Variants in ZNF641 observed in about 807,000 individuals in gnomAD.
The protein encoded by ZNF641 is zinc finger protein 641.
In ZNF641, 26 loss-of-function variants were observed where a neutral mutation model predicts 46.2. That is an observed-to-expected ratio of 0.56 (90% CI 0.41 to 0.78). The LOEUF (loss-of-function observed/expected upper bound fraction) is 0.78. Ranked by LOEUF, ZNF641 falls within the 30% of genes least tolerant of loss-of-function variation. The probability of loss-of-function intolerance (pLI) is 0.00; values close to 1 mark genes in which losing one functional copy is unlikely to be tolerated. For missense variants in ZNF641, 469 were observed against 517.8 expected (o/e 0.91, Z 0.91); for synonymous variants, 163 against 187.9 (o/e 0.87, Z 1.09).
At position 48,342,363 on chromosome 12, in the gene ZNF641, A is replaced by C; in HGVS notation, c.*610T>G. 2 of 985,748 alleles carry C rather than the reference A, an allele frequency of 2.0e-6. No individual in the cohort carries two copies. Among genetic ancestry groups the C allele is most frequent in the South Asian group, 4.7e-5 (1 of 21,296 alleles). 61.1% of individuals were successfully genotyped at this position (985,748 alleles called of 1,614,324 possible). On this transcript the variant is annotated 3_prime_UTR_variant, in exon 6 of 6. Transcript: ENST00000547026. ...GGCCCCCCTGGCTTTCATATGGATA[A>C]AAAAGGGGGCTCTGGATGCCTGATC...
rs1321545103 is a variant in ZNF641 at position 48,342,957 on chromosome 12, G to A, written c.*16C>T. The A allele has an allele frequency of 2.0e-5, 32 of 1,594,178 alleles. No homozygotes were observed. The highest frequency in any genetic ancestry group is 2.7e-5 in the Non-Finnish European group (32 of 1,171,122). ...CCGGCTGATAGACTTGACCATAGCT[G>A]TAGTGGAAACAGATTTCAAAAGACA... On this transcript the variant is annotated 3_prime_UTR_variant, in exon 6 of 6. Coordinates refer to ENST00000547026, the MANE Select transcript of ZNF641 (RefSeq NM_001172681.2).
chr12:48,349,885 C>T (rs1221038293), intron 1 of ZNF641, among the ~76,000 whole-genome samples: 2 of 152,188 alleles, frequency 1.3e-5, no homozygotes, highest in Non-Finnish European at 1.5e-5. Flanking sequence ...TATCTGGACA[C>T]TTGTCTCAAA....
rs749763501 is a variant in ZNF641 at position 48,342,889 on chromosome 12, G to A, written c.*84C>T. The A allele has an allele frequency of 1.0e-4, 154 of 1,516,246 alleles. No individual in the cohort carries two copies. The Middle Eastern group carries it at 1.3e-3, about 13-fold the overall frequency. The allele number at this position is 1,516,246 out of a possible 1,614,324, so 93.9% of individuals were successfully genotyped here. On this transcript the variant is annotated 3_prime_UTR_variant, in exon 6 of 6. Transcript: ENST00000547026. The stretch of plus-strand genomic sequence containing the variant: ...TCAGGGCTTATGATTCTGGCCACTG[G>A]GGTTCAGGAGAACGGCAGCCCTGGC...
At chr12:48,344,300 G>A (rs1592144004) in intron 5 of ZNF641, 3 of 199,946 alleles carry the variant, frequency 1.5e-5, no homozygotes, top group East Asian at 1.3e-4. Context: ...TATGTGCTTG[G>A]CACTGTTCTA....
Position 48,338,974 on chromosome 12 carries a change from G to A in ZNF641, c.*3999C>T, listed in dbSNP as rs1952661671. ...AAGGCAAAGGAGAATCATTTCCTCGGATGTCAGTTTTTCAGTTTTACATTG... is the reference window on the plus strand; with the variant it reads ...AAGGCAAAGGAGAATCATTTCCTCGAATGTCAGTTTTTCAGTTTTACATTG... On this transcript the variant is annotated 3_prime_UTR_variant, in exon 6 of 6. Coordinates refer to ENST00000547026, the MANE Select transcript of ZNF641 (RefSeq NM_001172681.2). 1.3e-5 allele frequency: 2 copies of A among 152,202 alleles called. No homozygotes were observed. The highest frequency in any genetic ancestry group is 1.5e-5 in the Non-Finnish European group (1 of 68,052). 9.4% of individuals were successfully genotyped at this position (152,202 alleles called of 1,614,324 possible). A position where few individuals can be genotyped will look rare whatever the true frequency, so the allele number is the denominator to read the frequency against.
intron 1 of ZNF641, 160 bp downstream of exon 1, chr12:48,350,626 C>G (rs897282629): frequency 5.8e-6 from 1 of 173,276 alleles, no homozygotes; most frequent in Non-Finnish European, 1.2e-5. Flanking sequence ...GAGGCGGGCA[C>G]AGAATGTCAG....
chr12:48,347,666 C>T (rs1244631329), intron 2 of ZNF641, among the ~76,000 whole-genome samples: 1 of 152,198 alleles, frequency 6.6e-6, no homozygotes, highest in East Asian at 1.9e-4. Flanking sequence ...TTCAGTATCA[C>T]TAATTATGCA....
At chr12:48,349,552 G>C (rs1030885395) in intron 1 of ZNF641, among the ~76,000 whole-genome samples, 1 of 152,192 alleles carries the variant, frequency 6.6e-6, no homozygotes. Flanking sequence ...TTTGACAAAA[G>C]AGGTAGGTGG....
chr12:48,351,026 G>GAGGGAGAGGAGTGGA (rs1953024623), upstream of ZNF641: 1 of 111,752 alleles, frequency 8.9e-6, no homozygotes, highest in Admixed American at 7.9e-5. Context: ...AGAGGAGTGG[G>GAGGGAGAGGAGTGGA]AGGGAGGGAG....
chr12:48,343,223 C>A lies in ZNF641; in HGVS notation c.1025G>T (p.Ser342Ile). ...KSCKGQEVGE[S>I]PGTRKRQRAP... ...ACGCTGCCGTTTCCTTGTGCCAGGG[C>A]TCTCTCCAACCTCTTGGCCTTTGCA... is the stretch of plus-strand genomic sequence containing the variant. The change falls in exon 6 of 6, where the codon AGC (serine) becomes ATC (isoleucine). Residue 342 changes from serine to isoleucine, a missense_variant. Around this residue, in one of 3 missense-constraint regions of ZNF641, gnomAD observed 346 missense variants for 354.0 expected, o/e 0.98. Coordinates refer to ENST00000547026, the MANE Select transcript of ZNF641 (RefSeq NM_001172681.2). The A allele has an allele frequency of 2.5e-6, 4 of 1,614,234 alleles. No individual in the cohort carries two copies. The highest frequency in any genetic ancestry group is 3.4e-6 in the Non-Finnish European group (4 of 1,180,032).
intron 1 of ZNF641, among the ~76,000 whole-genome samples, chr12:48,348,317 G>A (rs1002864774): frequency 2.0e-5 from 3 of 152,150 alleles, no homozygotes; most frequent in Admixed American, 2.0e-4. Flanking sequence ...ATTGGCAGGT[G>A]CTACGTAGCA....
chr12:48,336,960 G>A (rs563813291), downstream of ZNF641, among the ~76,000 whole-genome samples: 5 of 152,352 alleles, frequency 3.3e-5, no homozygotes, highest in Admixed American at 2.0e-4. Context: ...TGGATTGAGT[G>A]TCTGGCTGAC....
Position 48,342,925 on chromosome 12 carries a change from G to C in ZNF641, c.*48C>G, listed in dbSNP as rs1452644419. ...AACGGCAGCCCTGGCAGTGACTCCTGGTAGCACCGGCTGATAGACTTGACC... is the reference window on the plus strand; with the variant it reads ...AACGGCAGCCCTGGCAGTGACTCCTCGTAGCACCGGCTGATAGACTTGACC... On this transcript the variant is annotated 3_prime_UTR_variant, in exon 6 of 6. Coordinates refer to ENST00000547026, the MANE Select transcript of ZNF641 (RefSeq NM_001172681.2). The C allele has an allele frequency of 6.4e-7, 1 of 1,557,136 alleles. No individual in the cohort carries two copies. The highest frequency in any genetic ancestry group is 1.8e-5 in the Admixed American group (1 of 55,532).
chr12:48,347,951 A>T lies in ZNF641; in HGVS notation c.140T>A (p.Leu47Gln), dbSNP rs748858167. Residue 47 changes from leucine to glutamine, a missense_variant, in exon 2 of 6, where the codon CTG (leucine) becomes CAG (glutamine). Physicochemically the swap from Leu to Gln is moderately radical, Grantham distance 113 (BLOSUM62 -2). Coordinates refer to ENST00000547026, the MANE Select transcript of ZNF641 (RefSeq NM_001172681.2). Reference sequence around the variant, plus strand: ...TGGCTCCTCTTCAAGGTCACAGCACAGGTGCTCCAGAGGTCCTGGTACTGT... The same window carrying T: ...TGGCTCCTCTTCAAGGTCACAGCACTGGTGCTCCAGAGGTCCTGGTACTGT... The part of the protein sequence containing the change: ...WRTVPGPLEH[L>Q]CCDLEEEPQS... 1.2e-6 allele frequency: 2 copies of T among 1,613,984 alleles called. No individual in the cohort carries two copies. Among genetic ancestry groups the T allele is most frequent in the African/African-American group, 2.7e-5 (2 of 74,896 alleles).
At position 48,348,067 on chromosome 12, in the gene ZNF641, C is replaced by T. The variant is rs990310524; in HGVS notation, c.24G>A (p.Ala8=). MLSEQTA[A]LGTGWESMNV... ...TCATTGATTCCCATCCTGTCCCCAG[C>T]GCTGCTGTCTGTTCTGAAAGCATTT... is the stretch of plus-strand genomic sequence containing the variant. The change falls in exon 2 of 6, where the codon GCG becomes GCA. Residue 8 remains alanine, a synonymous_variant. Coordinates refer to ENST00000547026, the MANE Select transcript of ZNF641 (RefSeq NM_001172681.2). 20 of 1,614,226 alleles carry T rather than the reference C, an allele frequency of 1.2e-5. No individual in the cohort carries two copies. Among genetic ancestry groups the T allele is most frequent in the Non-Finnish European group, 1.4e-5 (17 of 1,180,050 alleles).
At chr12:48,349,971 G>GT in intron 1 of ZNF641, 1 of 1,588,890 alleles carries the variant, frequency 6.3e-7, no homozygotes. Context: ...TGGGCCAGCT[G>GT]TAAGTTTTTC....
At chr12:48,347,370 G>C in intron 2 of ZNF641, 27 bp from the exon 3 acceptor site, 1 of 1,580,394 alleles carries the variant, frequency 6.3e-7, no homozygotes, top group Non-Finnish European at 8.6e-7. Flanking sequence ...AGAAACATTA[G>C]AGAATAACGA....
At position 48,340,725 on chromosome 12, in the gene ZNF641, C is replaced by T. The variant is rs575687485; in HGVS notation, c.*2248G>A. 2.0e-4 allele frequency: 197 copies of T among 985,420 alleles called. No individual in the cohort carries two copies. The highest frequency in any genetic ancestry group is 1.0e-3 in the Middle Eastern group (2 of 1,914). 61.0% of individuals were successfully genotyped at this position (985,420 alleles called of 1,614,324 possible). A position where few individuals can be genotyped will look rare whatever the true frequency, so the allele number is the denominator to read the frequency against. ...TACAAATGTCTTTTTCTCAAAAGTGCGTTTCTGGTTTCTGTCAGATTCAAC... is the reference window on the plus strand; with the variant it reads ...TACAAATGTCTTTTTCTCAAAAGTGTGTTTCTGGTTTCTGTCAGATTCAAC... On this transcript the variant is annotated 3_prime_UTR_variant, in exon 6 of 6. Coordinates refer to ENST00000547026, the MANE Select transcript of ZNF641 (RefSeq NM_001172681.2).
At chr12:48,350,957 G>T, upstream of ZNF641, 1 of 663,110 alleles carries the variant, frequency 1.5e-6, no homozygotes, top group Non-Finnish European at 1.9e-6. Flanking sequence ...ATCCCCGCCC[G>T]CTTCCGGGGC....
Sources: allele counts gnomAD v4.1 joint callset (sites outside exome capture counted in the v4.1 genomes callset), GRCh38; gene constraint gnomAD v4.1.1; regional missense constraint gnomAD v4.1.1; transcripts MANE v1.5; gene names NCBI Gene and HGNC (gene_info 2026-07-23, HGNC 2026-07-21).